Variants in PTK2 observed in about 807,000 individuals in gnomAD.
The protein encoded by PTK2 is protein tyrosine kinase 2.
In PTK2, 45 loss-of-function variants were observed where a neutral mutation model predicts 150.1. The observed-to-expected ratio is 0.30, with a 90% CI of 0.24 to 0.38. PTK2 has a LOEUF of 0.38. Ranked by LOEUF, PTK2 falls within the 10% of genes least tolerant of loss-of-function variation. The pLI is 1.00. For missense variants in PTK2, 919 were observed against 1,307.3 expected, an observed-to-expected ratio of 0.70 and a Z score of 4.58; for synonymous variants, 432 against 449.2, an observed-to-expected ratio of 0.96 and a Z score of 0.48.
intron 26 of PTK2, among the ~76,000 whole-genome samples, chr8:140,696,437 C>T (rs1015418757): frequency 3.3e-5 from 5 of 152,118 alleles, no homozygotes; most frequent in African/African-American, 4.8e-5. Context: ...TCAAGCTTCA[C>T]GCTTGGCGCT....
chr8:140,869,382 T>C lies in PTK2; in HGVS notation c.363-4983A>G, dbSNP rs148236239. 4.5e-3 allele frequency among the ~76,000 whole-genome samples: 684 copies of C among 152,298 alleles called. 4 individuals are homozygous for C. Among genetic ancestry groups the C allele is most frequent in the African/African-American group, 0.016 (647 of 41,574 alleles). On this transcript the variant is annotated intron_variant, in intron 4 of 31. Coordinates refer to ENST00000522684, the Ensembl canonical transcript of PTK2. ...CATCTAAAATTGATGCCAACCCATT[T>C]CCACCTCTGAAAGTTGGCCAGCTTC... is the stretch of plus-strand genomic sequence containing the variant.
chr8:140,923,233 T>G (rs1445679764), intron 2 of PTK2, among the ~76,000 whole-genome samples: 1 of 152,172 alleles, frequency 6.6e-6, no homozygotes, highest in African/African-American at 2.4e-5. Context: ...GAGACCAGAT[T>G]GAAACAGCAG....
intron 1 of PTK2, among the ~76,000 whole-genome samples, chr8:140,940,069 C>A (rs1043920535): frequency 6.6e-6 from 1 of 152,186 alleles, no homozygotes; most frequent in African/African-American, 2.4e-5. Flanking sequence ...GATTCACATT[C>A]ACTCATCACT....
At chr8:140,658,949 T>C in exon 32 of PTK2, 1 of 225,074 alleles carries the variant, frequency 4.4e-6, no homozygotes, top group East Asian at 6.5e-5. Context: ...ATATTCTTTG[T>C]AAAGTGGGAT....
At chr8:140,939,251 C>T (rs1482232159) in intron 1 of PTK2, among the ~76,000 whole-genome samples, 1 of 152,154 alleles carries the variant, frequency 6.6e-6, no homozygotes, top group East Asian at 1.9e-4. Context: ...AAAAACTATA[C>T]ATTTTATTTT....
At chr8:140,686,810 G>GA in intron 26 of PTK2, 116 bp from the exon 30 acceptor site, 1 of 913,002 alleles carries the variant, frequency 1.1e-6, no homozygotes, top group Non-Finnish European at 1.7e-6. Context: ...AAGAAGAGTT[G>GA]AAAGTTCCCC....
chr8:140,668,827 A>G (rs1183256751), intron 29 of PTK2: 1 of 165,756 alleles, frequency 6.0e-6, no homozygotes, highest in Non-Finnish European at 1.3e-5. Flanking sequence ...CATGAAGACT[A>G]TAAGGATTTC....
intron 3 of PTK2, among the ~76,000 whole-genome samples, chr8:140,881,972 G>C (rs531118043): frequency 6.6e-6 from 1 of 151,662 alleles, no homozygotes; most frequent in East Asian, 1.9e-4. Context: ...CACAGCCTTT[G>C]CATACAGTAG....
At chr8:140,994,533 G>T (rs1317588724) in intron 1 of PTK2, among the ~76,000 whole-genome samples, 1 of 152,052 alleles carries the variant, frequency 6.6e-6, no homozygotes, top group Admixed American at 6.6e-5. Flanking sequence ...TATTTTTAGA[G>T]GCAGGGTCTC....
intron 7 of PTK2, chr8:140,833,172 C>T: frequency 2.5e-6 from 1 of 406,654 alleles, no homozygotes; most frequent in South Asian, 1.8e-5. Flanking sequence ...AAGACAACTC[C>T]ATTAAAAAAA....
At chr8:140,772,148 C>T (rs1259518734) in intron 14 of PTK2, among the ~76,000 whole-genome samples, 1 of 152,170 alleles carries the variant, frequency 6.6e-6, no homozygotes, top group Non-Finnish European at 1.5e-5. Flanking sequence ...GCTACCTTTA[C>T]ACACACTAAA....
chr8:140,952,369 A>G (rs1032003687), intron 1 of PTK2, among the ~76,000 whole-genome samples: 1 of 152,158 alleles, frequency 6.6e-6, no homozygotes, highest in Non-Finnish European at 1.5e-5. Context: ...TGTAACAATC[A>G]CATCTGGCAC....
chr8:140,878,705 C>G (rs1302401364), intron 4 of PTK2, among the ~76,000 whole-genome samples: 1 of 152,028 alleles, frequency 6.6e-6, no homozygotes, highest in African/African-American at 2.4e-5. Flanking sequence ...ACTCTTCAGC[C>G]TACAATTATC....
Position 140,846,859 on chromosome 8 carries a change from G to A in PTK2, c.451-181C>T, listed in dbSNP as rs756718064. Among the ~76,000 whole-genome samples the A allele has an allele frequency of 4.0e-5, 6 of 151,864 alleles. No individual in the cohort carries two copies. The East Asian group carries it at 9.6e-4, about 24-fold the overall frequency. On this transcript the variant is annotated intron_variant, in intron 5 of 31. Transcript: ENST00000522684. Reference sequence around the variant, plus strand: ...CCTTTCATATAGTTTACATTGTGTCGGTAATTATGCTTGATGTTAAAGATA... The same window carrying A: ...CCTTTCATATAGTTTACATTGTGTCAGTAATTATGCTTGATGTTAAAGATA...
chr8:140,846,351 T>C (rs199501699), intron 6 of PTK2, 29 bp from the exon 7 acceptor site: 578 of 1,595,040 alleles, frequency 3.6e-4, no homozygotes, highest in Admixed American at 5.4e-4. Context: ...TACATTTATA[T>C]GTATATATAA....
intron 20 of PTK2, among the ~76,000 whole-genome samples, chr8:140,740,809 C>T (rs1425357128): frequency 1.3e-5 from 2 of 152,290 alleles, no homozygotes; most frequent in African/African-American, 4.8e-5. Context: ...AATGAATAAA[C>T]AATTGATTTT....
intron 5 of PTK2, among the ~76,000 whole-genome samples, chr8:140,852,330 A>G (rs908048930): frequency 3.9e-5 from 6 of 152,238 alleles, no homozygotes; most frequent in African/African-American, 1.4e-4. Flanking sequence ...CATGTGACTA[A>G]TAAAGCAACA....
intron 5 of PTK2, 89 bp downstream of exon 5, chr8:140,864,223 G>T: frequency 2.8e-6 from 2 of 717,200 alleles, no homozygotes; most frequent in Non-Finnish European, 4.3e-6. Context: ...CTCCAAACGT[G>T]AGCTTTAATC....
intron 13 of PTK2, among the ~76,000 whole-genome samples, chr8:140,792,795 C>T (rs2100089275): frequency 6.6e-6 from 1 of 152,204 alleles, no homozygotes; most frequent in Non-Finnish European, 1.5e-5. Flanking sequence ...TCTCTGAAAG[C>T]ACTTACCACA....
Sources: allele counts gnomAD v4.1 joint callset (sites outside exome capture counted in the v4.1 genomes callset), GRCh38; gene constraint gnomAD v4.1.1; transcripts MANE v1.5; gene names NCBI Gene and HGNC (gene_info 2026-07-23, HGNC 2026-07-21).